SHANK2: variants seen among roughly 807,000 people sequenced by gnomAD.
SHANK2 encodes SH3 and multiple ankyrin repeat domains 2, also known as SH3 and multiple ankyrin repeat domains protein 2.
SHANK2 carries 43 observed loss-of-function variants against 133.7 expected under a neutral mutation model. The ratio of observed to expected loss-of-function variants is 0.32; its 90% CI spans 0.25 to 0.41. SHANK2 has a LOEUF of 0.41. SHANK2 is among the 10% of genes least tolerant of loss of function. The pLI, the probability that SHANK2 is intolerant of heterozygous loss-of-function variation, is 1.00. For synonymous variants in SHANK2, 1,017 were observed against 952.8 expected (o/e 1.07, Z -1.24); for missense variants, 1,994 against 2,235.8 (o/e 0.89, Z 2.18).
Position 70,575,195 on chromosome 11 carries a change from G to A in SHANK2, c.2062-72264C>T, listed in dbSNP as rs150265587. Among the ~76,000 whole-genome samples, 220 of 152,294 alleles carry A rather than the reference G, an allele frequency of 1.4e-3. 10 individuals carry two copies. The East Asian group carries it at 0.037, about 26-fold the overall frequency. On this transcript the variant is annotated intron_variant, in intron 17 of 25. Coordinates refer to ENST00000601538, the MANE Select transcript of SHANK2 (RefSeq NM_012309.5). The stretch of plus-strand genomic sequence containing the variant: ...CCACCCAGGCGGGCAGCAGAGGAAT[G>A]GTCACCCAACGGTGACTGTCAAAGT...
At chr11:70,591,425 A>G (rs1335164101) in intron 17 of SHANK2, among the ~76,000 whole-genome samples, 3 of 152,140 alleles carry the variant, frequency 2.0e-5, no homozygotes, top group African/African-American at 7.2e-5. Context: ...CAAAAGATAG[A>G]AGAAGGAGCC....
intron 11 of SHANK2, chr11:70,863,605 G>A: frequency 2.2e-6 from 1 of 449,312 alleles, no homozygotes; most frequent in Non-Finnish European, 4.5e-6. Context: ...TGCAAACGGA[G>A]CTTTGCTAGG....
At chr11:70,674,111 T>A (rs550450942) in intron 15 of SHANK2, among the ~76,000 whole-genome samples, 3 of 152,142 alleles carry the variant, frequency 2.0e-5, no homozygotes, top group Non-Finnish European at 4.4e-5. Context: ...TTTCCTCTTC[T>A]CTCTCTTTCC....
intron 11 of SHANK2, among the ~76,000 whole-genome samples, chr11:70,846,357 A>G (rs1948997450): frequency 2.0e-5 from 3 of 152,106 alleles, no homozygotes; most frequent in Non-Finnish European, 4.4e-5. Flanking sequence ...TCAACCTCCC[A>G]GGCTCAAGCG....
At chr11:71,229,590 G>A (rs560349157) in intron 1 of SHANK2, among the ~76,000 whole-genome samples, 1 of 151,780 alleles carries the variant, frequency 6.6e-6, no homozygotes, top group South Asian at 2.1e-4. Context: ...CCAACATGGT[G>A]AAACCCCGTC....
At chr11:70,598,016 G>A (rs936539063) in intron 17 of SHANK2, among the ~76,000 whole-genome samples, 6 of 152,330 alleles carry the variant, frequency 3.9e-5, no homozygotes, top group Non-Finnish European at 7.4e-5. Context: ...GCTGTGCTTC[G>A]TCTCTGCACA....
At chr11:71,184,413 G>A (rs1298948027) in intron 2 of SHANK2, among the ~76,000 whole-genome samples, 1 of 152,128 alleles carries the variant, frequency 6.6e-6, no homozygotes, top group Non-Finnish European at 1.5e-5. Context: ...AAACAATGTC[G>A]CTGGCTTCAT....
chr11:71,164,624 G>C (rs1257850673), intron 2 of SHANK2, among the ~76,000 whole-genome samples: 1 of 152,220 alleles, frequency 6.6e-6, no homozygotes, highest in Non-Finnish European at 1.5e-5. Context: ...AAATCACACA[G>C]CTCTGAGACC....
chr11:71,118,134 C>A (rs190979899), intron 4 of SHANK2, among the ~76,000 whole-genome samples: 164 of 152,094 alleles, frequency 1.1e-3, no homozygotes, highest in African/African-American at 3.9e-3. Context: ...TTCTCCATGC[C>A]CAGGGCCCAT....
At chr11:70,825,429 G>C (rs945591112) in intron 11 of SHANK2, among the ~76,000 whole-genome samples, 1 of 152,196 alleles carries the variant, frequency 6.6e-6, no homozygotes. Context: ...TTAGAGGGGG[G>C]AAGAATTCAC....
chr11:70,481,578 T>C (rs949202212), intron 25 of SHANK2, among the ~76,000 whole-genome samples: 8 of 152,244 alleles, frequency 5.3e-5, no homozygotes, highest in Admixed American at 4.6e-4. Context: ...AGTCAAAACT[T>C]GTTTCTATGG....
chr11:71,225,500 C>T (rs1954624371), intron 1 of SHANK2, among the ~76,000 whole-genome samples: 1 of 152,182 alleles, frequency 6.6e-6, no homozygotes, highest in South Asian at 2.1e-4. Context: ...TTCCACCTTC[C>T]CTTGTGGAAG....
chr11:71,133,290 A>C (rs1175933483), intron 3 of SHANK2, among the ~76,000 whole-genome samples: 1 of 125,886 alleles, frequency 7.9e-6, no homozygotes, highest in Non-Finnish European at 1.7e-5. Context: ...GGCCGGCCGG[A>C]CGGCTGGCTG....
At chr11:70,527,171 C>T (rs1485924930) in intron 17 of SHANK2, among the ~76,000 whole-genome samples, 1 of 152,200 alleles carries the variant, frequency 6.6e-6, no homozygotes, top group Non-Finnish European at 1.5e-5. Context: ...GAGGGAGAGC[C>T]CAGAGACCTG....
intron 11 of SHANK2, chr11:70,896,286 C>A: frequency 2.2e-6 from 1 of 460,192 alleles, no homozygotes; most frequent in Non-Finnish European, 3.8e-6. Flanking sequence ...ATGTTTCAGA[C>A]AGCCTAACCT....
chr11:70,679,453 G>T (rs1555017917), intron 15 of SHANK2, among the ~76,000 whole-genome samples: 2 of 152,216 alleles, frequency 1.3e-5, no homozygotes, highest in Non-Finnish European at 2.9e-5. Context: ...TGCACCCTCG[G>T]CCCCCTCTTT....
At chr11:71,190,627 C>A (rs572630642) in intron 2 of SHANK2, among the ~76,000 whole-genome samples, 48 of 152,340 alleles carry the variant, frequency 3.2e-4, no homozygotes, top group African/African-American at 1.1e-3. Context: ...TAAGGCCTCT[C>A]CCCTTTCTGA....
intron 10 of SHANK2, among the ~76,000 whole-genome samples, chr11:70,946,367 C>CT (rs1950735180): frequency 6.7e-6 from 1 of 149,090 alleles, no homozygotes; most frequent in South Asian, 2.2e-4. Context: ...CAACACTTCC[C>CT]AGGATCAGCC....
chr11:70,808,608 A>C (rs955889354), intron 12 of SHANK2, among the ~76,000 whole-genome samples: 1 of 148,848 alleles, frequency 6.7e-6, no homozygotes. Context: ...GGTGCTGTGC[A>C]TTTGTGGTTC....
Sources: allele counts gnomAD v4.1 joint callset (sites outside exome capture counted in the v4.1 genomes callset), GRCh38; gene constraint gnomAD v4.1.1; transcripts MANE v1.5; gene names NCBI Gene and HGNC (gene_info 2026-07-23, HGNC 2026-07-21).